Variants in FAM219A observed in about 807,000 individuals in gnomAD.
The protein encoded by FAM219A is protein FAM219A.
FAM219A carries 7 observed loss-of-function variants against 23.4 expected under a neutral mutation model. The ratio of observed to expected loss-of-function variants is 0.30; its 90% CI spans 0.17 to 0.56. The LOEUF is 0.56. FAM219A is among the 20% of genes least tolerant of loss of function. The pLI, the probability that FAM219A is intolerant of heterozygous loss-of-function variation, is 0.92. For missense variants in FAM219A, 166 were observed against 246.9 expected, an observed-to-expected ratio of 0.67 and a Z score of 2.20; for synonymous variants, 93 against 99.0, an observed-to-expected ratio of 0.94 and a Z score of 0.36.
At position 34,402,782 on chromosome 9, in the gene FAM219A, C is replaced by T. The variant is rs1040203519; in HGVS notation, c.186G>A (p.Lys62=). The change falls in exon 3 of 6, where the codon AAG becomes AAA. Residue 62 remains lysine (K), a synonymous_variant. Coordinates refer to ENST00000651358, the MANE Select transcript of FAM219A (RefSeq NM_001184940.2). The part of the protein sequence containing the change: ...KLEKQRELAR[K]GSLKNGSMGS... ...CCATGCTGCCATTCTTCAGGGAGCCCTTCCGGGCCAGCTCCCGCTGCTTCT... is the reference window on the plus strand; with the variant it reads ...CCATGCTGCCATTCTTCAGGGAGCCTTTCCGGGCCAGCTCCCGCTGCTTCT... The T allele has an allele frequency of 3.7e-6, 6 of 1,614,196 alleles. No homozygotes were observed. The Admixed American group carries it at 8.3e-5, about 22-fold the overall frequency.
In FAM219A at chr9:34,439,066, A is replaced by C. The variant is rs1290061718; in HGVS notation, c.60+19138T>G. Among the ~76,000 whole-genome samples, 7 of 152,144 alleles carry C rather than the reference A, an allele frequency of 4.6e-5. No individual in the cohort carries two copies. The East Asian group carries it at 1.4e-3, about 29-fold the overall frequency. ...CGCTGCCTTAAGAGCTGTAACACTC[A>C]CCGCGAAGGTCTGCAGCTTCACTCC... On this transcript the variant is annotated intron_variant, in intron 1 of 5. Coordinates refer to ENST00000651358, the MANE Select transcript of FAM219A (RefSeq NM_001184940.2).
Position 34,410,102 on chromosome 9 carries a change from A to T in FAM219A, c.61-4138T>A, listed in dbSNP as rs985020275. On this transcript the variant is annotated intron_variant, in intron 1 of 5. Coordinates refer to ENST00000651358, the MANE Select transcript of FAM219A (RefSeq NM_001184940.2). ...CCTTTCAAAGCATGCAGGGAGGGAC[A>T]TAGGGAAGAGAACATGATTTGGGCT... Among the ~76,000 whole-genome samples the T allele has an allele frequency of 2.0e-5, 3 of 152,226 alleles. No individual in the cohort carries two copies. In the East Asian group the frequency reaches 5.8e-4, roughly 29 times the overall value.
chr9:34,431,877 T>G (rs1822721048), intron 1 of FAM219A, among the ~76,000 whole-genome samples: 1 of 152,252 alleles, frequency 6.6e-6, no homozygotes, highest in South Asian at 2.1e-4. Flanking sequence ...TGGGTGTATG[T>G]GCATGTGCAT....
At chr9:34,437,773 C>T (rs536051906) in intron 1 of FAM219A, among the ~76,000 whole-genome samples, 1 of 152,380 alleles carries the variant, frequency 6.6e-6, no homozygotes, top group Non-Finnish European at 1.5e-5. Flanking sequence ...GCAGTCCTCA[C>T]AGCCCTCGGT....
intron 1 of FAM219A, among the ~76,000 whole-genome samples, chr9:34,421,338 T>G (rs1822275705): frequency 6.6e-6 from 1 of 152,092 alleles, no homozygotes; most frequent in South Asian, 2.1e-4. Flanking sequence ...TAACACCAAC[T>G]CAGGGTGTGT....
chr9:34,438,707 G>C (rs1209386306), intron 1 of FAM219A, among the ~76,000 whole-genome samples: 1 of 152,158 alleles, frequency 6.6e-6, no homozygotes, highest in Non-Finnish European at 1.5e-5. Flanking sequence ...GTGGAGCCTT[G>C]GAGAACCTTT....
chr9:34,439,167 G>A (rs549260175), intron 1 of FAM219A, among the ~76,000 whole-genome samples: 6 of 152,286 alleles, frequency 3.9e-5, no homozygotes, highest in South Asian at 2.1e-4. Context: ...AACACACTCC[G>A]GACACGCCGC....
chr9:34,455,959 G>A (rs1185944364), intron 1 of FAM219A, among the ~76,000 whole-genome samples: 2 of 152,314 alleles, frequency 1.3e-5, no homozygotes, highest in East Asian at 1.9e-4. Context: ...TTGGGAGGCC[G>A]AGGCAGGCAG....
At chr9:34,448,096 G>C (rs1334345268) in intron 1 of FAM219A, among the ~76,000 whole-genome samples, 1 of 152,026 alleles carries the variant, frequency 6.6e-6, no homozygotes, top group South Asian at 2.1e-4. Flanking sequence ...GTCTCGAATT[G>C]ATGGCCTTAA....
intron 1 of FAM219A, among the ~76,000 whole-genome samples, chr9:34,429,477 C>G (rs180841775): frequency 2.0e-5 from 3 of 152,254 alleles, no homozygotes; most frequent in African/African-American, 2.4e-5. Flanking sequence ...ATGGAAGAGA[C>G]CTGTAGGTAG....
chr9:34,429,598 G>C (rs1822616822), intron 1 of FAM219A, among the ~76,000 whole-genome samples: 1 of 152,102 alleles, frequency 6.6e-6, no homozygotes, highest in South Asian at 2.1e-4. Flanking sequence ...TCCCTCTATA[G>C]TGTGAATTTA....
At chr9:34,447,913 C>T (rs778054981) in intron 1 of FAM219A, among the ~76,000 whole-genome samples, 1 of 151,478 alleles carries the variant, frequency 6.6e-6, no homozygotes, top group African/African-American at 2.4e-5. Flanking sequence ...GCTTTGTTGC[C>T]TAGGCTAGAG....
intron 1 of FAM219A, among the ~76,000 whole-genome samples, chr9:34,416,053 T>C (rs1821988671): frequency 6.6e-6 from 1 of 151,886 alleles, no homozygotes; most frequent in Non-Finnish European, 1.5e-5. Flanking sequence ...GGCACACACC[T>C]GTAGCCCCAG....
rs554830191 is a variant in FAM219A at position 34,434,103 on chromosome 9, G to A, written c.60+24101C>T. Reference sequence around the variant, plus strand: ...TGTAGTCCCAGCTACTCGGGAGGCTGAGGCAGGAGAATGGCGTGAACCCGG... The same window carrying A: ...TGTAGTCCCAGCTACTCGGGAGGCTAAGGCAGGAGAATGGCGTGAACCCGG... On this transcript the variant is annotated intron_variant, in intron 1 of 5. Transcript: ENST00000651358. Among the ~76,000 whole-genome samples the A allele has an allele frequency of 2.0e-5, 3 of 150,826 alleles. No individual in the cohort carries two copies. The South Asian group carries it at 6.3e-4, about 32-fold the overall frequency.
chr9:34,437,872 C>G (rs1822981030), intron 1 of FAM219A, among the ~76,000 whole-genome samples: 1 of 152,254 alleles, frequency 6.6e-6, no homozygotes, highest in Admixed American at 6.5e-5. Flanking sequence ...GAGCCCCTTT[C>G]TGGGCTGGCC....
chr9:34,439,147 C>T (rs567361666), intron 1 of FAM219A, among the ~76,000 whole-genome samples: 7 of 152,306 alleles, frequency 4.6e-5, no homozygotes, highest in Admixed American at 2.0e-4. Flanking sequence ...CACATCTGAA[C>T]GTCAGAAGGA....
At chr9:34,447,474 A>G (rs926591704) in intron 1 of FAM219A, among the ~76,000 whole-genome samples, 3 of 152,234 alleles carry the variant, frequency 2.0e-5, no homozygotes, top group African/African-American at 7.2e-5. Context: ...TAGGGCAGCT[A>G]GGATGACTGC....
chr9:34,445,152 A>G (rs1264648126), intron 1 of FAM219A, among the ~76,000 whole-genome samples: 1 of 152,132 alleles, frequency 6.6e-6, no homozygotes, highest in Non-Finnish European at 1.5e-5. Flanking sequence ...CCCTCCTTAG[A>G]ATAACCTCCC....
At chr9:34,401,579 T>C in intron 5 of FAM219A, 87 bp downstream of exon 5, 3 of 1,465,330 alleles carry the variant, frequency 2.0e-6, no homozygotes, top group Non-Finnish European at 2.8e-6. Flanking sequence ...TCTTTTTCCT[T>C]GTACTTGGGC....
Sources: allele counts gnomAD v4.1 joint callset (sites outside exome capture counted in the v4.1 genomes callset), GRCh38; gene constraint gnomAD v4.1.1; transcripts MANE v1.5; gene names NCBI Gene and HGNC (gene_info 2026-07-23, HGNC 2026-07-21).